The following ARHGAP10 variants were observed in gnomAD, a reference collection of about 807,000 sequenced individuals.
The protein encoded by ARHGAP10 is rho GTPase-activating protein 10.
Under a neutral mutation model 108.6 loss-of-function variants are expected in ARHGAP10, and 87 were observed. The observed-to-expected ratio is 0.80, with a 90% CI of 0.67 to 0.96. The LOEUF (loss-of-function observed/expected upper bound fraction) is 0.96. Among genes scored for constraint, ARHGAP10 ranks in the 40% least tolerant of loss-of-function variants. ARHGAP10 has a pLI of 0.00. For missense variants in ARHGAP10, 939 were observed against 954.5 expected (o/e 0.98, Z 0.21); for synonymous variants, 347 against 341.1 (o/e 1.02, Z -0.19).
Position 147,979,338 on chromosome 4 carries a change from G to C in ARHGAP10, c.1716+12499G>C, listed in dbSNP as rs118175577. Among the ~76,000 whole-genome samples, 4 of 152,178 alleles carry C rather than the reference G, an allele frequency of 2.6e-5. No individual in the cohort carries two copies. The East Asian group carries it at 7.7e-4, about 29-fold the overall frequency. ...CTTTCCCCCTTGTTTTTTGTCAGCT[G>C]TGTCAAAGGTGACTTGGTTGTAGGT... On this transcript the variant is annotated intron_variant, in intron 18 of 22. Transcript: ENST00000336498.
At chr4:148,008,281 AG>A (rs1291030796) in intron 18 of ARHGAP10, among the ~76,000 whole-genome samples, 9 of 152,076 alleles carry the variant, frequency 5.9e-5, no homozygotes, top group Non-Finnish European at 1.0e-4. Flanking sequence ...GAAATTAATC[AG>A]TATCTCCCCC....
intron 19 of ARHGAP10, among the ~76,000 whole-genome samples, chr4:148,041,547 A>G (rs954474953): frequency 6.6e-6 from 1 of 152,258 alleles, no homozygotes; most frequent in Non-Finnish European, 1.5e-5. Flanking sequence ...GTAAAAGCTT[A>G]TCATTAGATT....
In ARHGAP10 at chr4:147,909,638, A is replaced by G. The variant is rs188602817; in HGVS notation, c.1117-94A>G. The G allele has an allele frequency of 4.5e-4, 477 of 1,067,190 alleles. No homozygotes were observed. In the African/African-American group the frequency reaches 5.1e-3, roughly 11 times the overall value. 66.1% of individuals were successfully genotyped at this position (1,067,190 alleles called of 1,614,324 possible). Reference sequence around the variant, plus strand: ...ATTAACCAGAATCAAGCTTATAAAAATGTATTTTTTTTTGTATGGTCCTCA... The same window carrying G: ...ATTAACCAGAATCAAGCTTATAAAAGTGTATTTTTTTTTGTATGGTCCTCA... On this transcript the variant is annotated intron_variant, in intron 11 of 22. Coordinates refer to ENST00000336498, the MANE Select transcript of ARHGAP10 (RefSeq NM_024605.4).
At chr4:147,781,005 T>C (rs1195188451) in intron 1 of ARHGAP10, among the ~76,000 whole-genome samples, 1 of 152,042 alleles carries the variant, frequency 6.6e-6, no homozygotes, top group East Asian at 1.9e-4. Flanking sequence ...AGATTTGCAT[T>C]TGATGGTGGG....
intron 3 of ARHGAP10, among the ~76,000 whole-genome samples, chr4:147,832,413 C>G (rs961212129): frequency 6.6e-6 from 1 of 151,204 alleles, no homozygotes; most frequent in Non-Finnish European, 1.5e-5. Flanking sequence ...CTTTGGGAGG[C>G]CGAGGTGGGT....
At chr4:147,923,683 G>A (rs561682294) in intron 13 of ARHGAP10, among the ~76,000 whole-genome samples, 108 of 152,284 alleles carry the variant, frequency 7.1e-4, no homozygotes, top group African/African-American at 2.5e-3. Flanking sequence ...GCATGTAAAA[G>A]CAAATTTATC....
chr4:147,736,782 G>A (rs532104474), intron 1 of ARHGAP10, among the ~76,000 whole-genome samples: 8 of 152,306 alleles, frequency 5.3e-5, no homozygotes, highest in East Asian at 3.9e-4. Context: ...CTATAAGTCC[G>A]TTATGATAAA....
chr4:147,908,729 C>T (rs1736607098), intron 11 of ARHGAP10, among the ~76,000 whole-genome samples: 1 of 152,148 alleles, frequency 6.6e-6, no homozygotes, highest in South Asian at 2.1e-4. Context: ...ACATGAGCTC[C>T]ATCTTAATGG....
intron 18 of ARHGAP10, among the ~76,000 whole-genome samples, chr4:147,991,386 A>G (rs1427448398): frequency 2.0e-5 from 3 of 152,120 alleles, no homozygotes; most frequent in African/African-American, 7.2e-5. Flanking sequence ...CAGCAATCCA[A>G]ATCCACATCC....
intron 3 of ARHGAP10, among the ~76,000 whole-genome samples, chr4:147,844,010 C>T (rs952506798): frequency 3.3e-5 from 5 of 152,032 alleles, no homozygotes; most frequent in African/African-American, 1.2e-4. Context: ...TATCTCTGAC[C>T]TAGGTGTCTC....
At chr4:148,001,355 C>G (rs1401720309) in intron 18 of ARHGAP10, among the ~76,000 whole-genome samples, 2 of 152,146 alleles carry the variant, frequency 1.3e-5, no homozygotes, top group Non-Finnish European at 2.9e-5. Flanking sequence ...CGTGATGCCT[C>G]CAGCTTTGTT....
At chr4:147,907,735 A>G (rs571793041) in intron 11 of ARHGAP10, among the ~76,000 whole-genome samples, 18 of 152,316 alleles carry the variant, frequency 1.2e-4, no homozygotes, top group African/African-American at 3.8e-4. Context: ...AATTGATGCT[A>G]TATTGGGGAA....
At chr4:148,068,873 T>C (rs888887994) in intron 22 of ARHGAP10, among the ~76,000 whole-genome samples, 2 of 152,186 alleles carry the variant, frequency 1.3e-5, no homozygotes, top group Admixed American at 1.3e-4. Flanking sequence ...CTGCCTCTCT[T>C]TGGTGCTACT....
At chr4:147,921,519 G>A (rs1013063886) in intron 13 of ARHGAP10, among the ~76,000 whole-genome samples, 4 of 152,164 alleles carry the variant, frequency 2.6e-5, no homozygotes, top group African/African-American at 4.8e-5. Context: ...GTTTATGAAG[G>A]CTCTGGGTCA....
chr4:147,953,009 A>G (rs984225262), intron 15 of ARHGAP10, among the ~76,000 whole-genome samples: 4 of 151,780 alleles, frequency 2.6e-5, no homozygotes, highest in Non-Finnish European at 5.9e-5. Flanking sequence ...AGGAGTGGCT[A>G]TTTCTCCTAA....
intron 10 of ARHGAP10, among the ~76,000 whole-genome samples, chr4:147,889,660 A>G (rs1370799053): frequency 4.6e-5 from 3 of 64,796 alleles, no homozygotes; most frequent in Non-Finnish European, 2.5e-4. Context: ...TAATGTAAAC[A>G]TACTTTGTCT....
chr4:147,732,495 G>A, intron 1 of ARHGAP10, 40 bp downstream of exon 1: 1 of 1,604,204 alleles, frequency 6.2e-7, no homozygotes. Context: ...GCGGCGTGGC[G>A]AGGCGGCTGG....
At chr4:147,928,849 T>G (rs1044863995) in intron 13 of ARHGAP10, among the ~76,000 whole-genome samples, 3 of 152,270 alleles carry the variant, frequency 2.0e-5, no homozygotes, top group East Asian at 1.9e-4. Flanking sequence ...TAATGATTGC[T>G]TGGTATGTGT....
chr4:148,000,050 A>G (rs752122613), intron 18 of ARHGAP10, among the ~76,000 whole-genome samples: 6 of 151,828 alleles, frequency 4.0e-5, no homozygotes, highest in Non-Finnish European at 8.8e-5. Context: ...TACATTAGGT[A>G]TATCTCCTAA....
Sources: gnomAD v4.1 joint callset for allele counts (sites outside exome capture counted in the v4.1 genomes callset) on GRCh38, gnomAD v4.1.1 for gene constraint, MANE v1.5 for transcripts, NCBI Gene and HGNC (gene_info 2026-07-23, HGNC 2026-07-21) for gene names.